Variants in PXYLP1 observed in about 807,000 individuals in gnomAD.
PXYLP1 encodes the protein acid phosphatase-like 2.
Under a neutral mutation model 37.9 loss-of-function variants are expected in PXYLP1, and 17 were observed. The ratio of observed to expected loss-of-function variants is 0.45; its 90% CI spans 0.31 to 0.67. The LOEUF is 0.67. Ranked by LOEUF, PXYLP1 falls within the 30% of genes least tolerant of loss-of-function variation. The probability of loss-of-function intolerance (pLI) is 0.07; values close to 1 mark genes in which losing one functional copy is unlikely to be tolerated. For missense variants in PXYLP1, 511 were observed against 612.0 expected, an observed-to-expected ratio of 0.84 and a Z score of 1.74; for synonymous variants, 221 against 232.2, an observed-to-expected ratio of 0.95 and a Z score of 0.44.
intron 1 of PXYLP1, among the ~76,000 whole-genome samples, chr3:141,242,606 C>A (rs1425135825): frequency 2.0e-5 from 3 of 152,166 alleles, no homozygotes; most frequent in African/African-American, 7.2e-5. Context: ...AGAGATGAAC[C>A]ATCATGCTAG....
At chr3:141,267,506 T>C (rs1273441840) in intron 2 of PXYLP1, 1 of 152,194 alleles carries the variant, frequency 6.6e-6, no homozygotes, top group Non-Finnish European at 1.5e-5. Context: ...TTGTTAATTT[T>C]GGTCCTTTTC....
chr3:141,254,756 A>G (rs867232987), intron 1 of PXYLP1, among the ~76,000 whole-genome samples: 9 of 152,244 alleles, frequency 5.9e-5, no homozygotes, highest in South Asian at 2.1e-4. Context: ...GGCCAAAATA[A>G]TTCTGACCAA....
At chr3:141,281,759 G>GGGTGGTGAGACCAACCCATGCAGTGTGA (rs1941961160) in intron 4 of PXYLP1, among the ~76,000 whole-genome samples, 1 of 152,118 alleles carries the variant, frequency 6.6e-6, no homozygotes, top group African/African-American at 2.4e-5. Context: ...ATGGCCCCTT[G>GGGTGGTGAGACCAACCCATGCAGTGTGA]GGTGGTGAGA....
In PXYLP1 at chr3:141,284,598, T is replaced by G. The variant is rs562658321; in HGVS notation, c.366-2716T>G. 2.0e-5 allele frequency among the ~76,000 whole-genome samples: 3 copies of G among 152,334 alleles called. No homozygotes were observed. In the South Asian group the frequency reaches 6.2e-4, roughly 32 times the overall value. ...CCAGAATCTGAGATGCTCAAGTCCC[T>G]TATGTAAAATGGTGTTGTATTTACA... On this transcript the variant is annotated intron_variant, in intron 4 of 5. Coordinates refer to ENST00000286353, the MANE Select transcript of PXYLP1 (RefSeq NM_001037172.3).
At chr3:141,268,767 C>T (rs1418391622) in intron 2 of PXYLP1, among the ~76,000 whole-genome samples, 2 of 152,182 alleles carry the variant, frequency 1.3e-5, no homozygotes, top group African/African-American at 2.4e-5. Context: ...CCTGCCAGTG[C>T]GGCTGTCACA....
chr3:141,292,368 A>G lies in PXYLP1; in HGVS notation c.606A>G (p.Leu202=). The change falls in exon 6 of 6, where the codon TTA becomes TTG. Residue 202 remains leucine (L), a synonymous_variant. Transcript: ENST00000286353. The surrounding 1 kb of genome is among the most constrained non-coding windows in gnomAD (Gnocchi z 4.3). ...PNDWSADQLY[L]ETTGKSRTLQ... ...ATTGGTCTGCAGACCAGCTCTATTT[A>G]GAGACCACTGGGAAAAGCCGGACCC... 1 of 1,614,208 alleles carries G rather than the reference A, an allele frequency of 6.2e-7. No individual in the cohort carries two copies. Among genetic ancestry groups the G allele is most frequent in the Non-Finnish European group, 8.5e-7 (1 of 1,180,038 alleles).
chr3:141,262,556 T>G, intron 2 of PXYLP1: 1 of 1,198,906 alleles, frequency 8.3e-7, no homozygotes, highest in Admixed American at 3.0e-5. Flanking sequence ...CTTATATAAC[T>G]CTTCTGAAAG....
chr3:141,273,685 G>A (rs1287766638), intron 2 of PXYLP1: 1 of 985,216 alleles, frequency 1.0e-6, no homozygotes, highest in Non-Finnish European at 1.2e-6. Context: ...ACACATGAGG[G>A]TTATAGATGT....
chr3:141,276,136 A>C (rs917642834), intron 2 of PXYLP1, among the ~76,000 whole-genome samples: 18 of 152,252 alleles, frequency 1.2e-4, no homozygotes, highest in Admixed American at 7.8e-4. Context: ...AAGCTCTACC[A>C]TCTAGGTTTG....
At chr3:141,254,293 T>A (rs1941210184) in intron 1 of PXYLP1, among the ~76,000 whole-genome samples, 1 of 152,206 alleles carries the variant, frequency 6.6e-6, no homozygotes, top group Non-Finnish European at 1.5e-5. Flanking sequence ...GCTGGGACCT[T>A]CCATATGACA....
At chr3:141,247,864 A>G (rs1413984982) in intron 1 of PXYLP1, among the ~76,000 whole-genome samples, 1 of 152,182 alleles carries the variant, frequency 6.6e-6, no homozygotes, top group Non-Finnish European at 1.5e-5. Flanking sequence ...AACAAGGATC[A>G]TGGCCACCCC....
At chr3:141,270,446 A>AGT (rs1164322040) in intron 2 of PXYLP1, among the ~76,000 whole-genome samples, 1 of 152,238 alleles carries the variant, frequency 6.6e-6, no homozygotes, top group Non-Finnish European at 1.5e-5. Flanking sequence ...TGACAGTTAC[A>AGT]GTGCACTTTT....
chr3:141,287,424 T>G lies in PXYLP1; in HGVS notation c.476T>G (p.Leu159Trp). ...NSLPLYPNHP[L>W]CEMGELTQTG... ...TTGCCTCTTTACCCAAATCACCCAT[T>G]GTGTGAGATGGGAGAGCTCACACAG... Residue 159 changes from leucine to tryptophan, a missense_variant, in exon 5 of 6, where the codon TTG (leucine) becomes TGG (tryptophan). Leu to Trp is a moderately conservative substitution (Grantham distance 61). Transcript: ENST00000286353. 1 of 1,614,104 alleles carries G rather than the reference T, an allele frequency of 6.2e-7. No homozygotes were observed. The highest frequency in any genetic ancestry group is 8.5e-7 in the Non-Finnish European group (1 of 1,180,022).
In PXYLP1 at chr3:141,292,956, G is replaced by A. The variant is rs1373385166; in HGVS notation, c.1194G>A (p.Arg398=). 26 of 1,614,084 alleles carry A rather than the reference G, an allele frequency of 1.6e-5. No individual in the cohort carries two copies. Among genetic ancestry groups the A allele is most frequent in the Non-Finnish European group, 2.2e-5 (26 of 1,180,048 alleles). ...ALGLSEARFP[R]FAARLIFELW... ...GCCTTTCAGAAGCCAGGTTCCCAAG[G>A]TTTGCAGCCAGGTTGATCTTTGAGC... The change falls in exon 6 of 6, where the codon AGG becomes AGA. Residue 398 remains arginine (R), a synonymous_variant. Transcript: ENST00000286353. This position sits in a 1 kb window ranked among gnomAD's most constrained non-coding sequence, Gnocchi z 4.3.
intron 1 of PXYLP1, among the ~76,000 whole-genome samples, chr3:141,254,045 G>A (rs1275462000): frequency 6.6e-6 from 1 of 151,976 alleles, no homozygotes; most frequent in Non-Finnish European, 1.5e-5. Flanking sequence ...TTGAATATCT[G>A]GGATTACAAG....
chr3:141,238,499 A>G (rs958378971), intron 1 of PXYLP1, among the ~76,000 whole-genome samples: 2 of 152,224 alleles, frequency 1.3e-5, no homozygotes, highest in African/African-American at 4.8e-5. Context: ...ATACACTGGA[A>G]TACTTCATAC....
At chr3:141,278,050 T>TA (rs1941839703) in intron 2 of PXYLP1, among the ~76,000 whole-genome samples, 1 of 152,174 alleles carries the variant, frequency 6.6e-6, no homozygotes, top group African/African-American at 2.4e-5. Flanking sequence ...CCTAAGAAGT[T>TA]AGTGTGTGAG....
Position 141,293,081 on chromosome 3 carries a change from A to G in PXYLP1, c.1319A>G (p.Lys440Arg). The change falls in exon 6 of 6, where the codon AAG becomes AGG. Residue 440 changes from lysine (K) to arginine (R), a missense_variant. By Grantham distance (26) the Lys-to-Arg change is conservative. Coordinates refer to ENST00000286353, the MANE Select transcript of PXYLP1 (RefSeq NM_001037172.3). Reference sequence around the variant, plus strand: ...ACCTCTTTCTGCCAAGACCACCACAAGCGTTCTCCCAAGCCCATGTGCCCG... The same window carrying G: ...ACCTCTTTCTGCCAAGACCACCACAGGCGTTCTCCCAAGCCCATGTGCCCG... Reference protein sequence around the residue: ...FHTSFCQDHHKRSPKPMCPLE... With the variant: ...FHTSFCQDHHRRSPKPMCPLE... The G allele has an allele frequency of 1.9e-6, 3 of 1,614,144 alleles. No individual in the cohort carries two copies. Among genetic ancestry groups the G allele is most frequent in the Non-Finnish European group, 2.5e-6 (3 of 1,180,032 alleles).
At position 141,293,089 on chromosome 3, in the gene PXYLP1, C is replaced by T. The variant is rs768270702; in HGVS notation, c.1327C>T (p.Pro443Ser). ...SFCQDHHKRS[P>S]KPMCPLENLV... ...CTGCCAAGACCACCACAAGCGTTCT[C>T]CCAAGCCCATGTGCCCGCTTGAAAA... The change falls in exon 6 of 6, where the codon CCC becomes TCC. Residue 443 changes from proline to serine, a missense_variant. Physicochemically the swap from Pro to Ser is moderately conservative, Grantham distance 74. Transcript: ENST00000286353. 1.2e-5 allele frequency: 20 copies of T among 1,614,092 alleles called. No individual in the cohort carries two copies. The Middle Eastern group carries it at 6.6e-4, about 53-fold the overall frequency.
Sources: allele counts gnomAD v4.1 joint callset (sites outside exome capture counted in the v4.1 genomes callset), GRCh38; gene constraint gnomAD v4.1.1; non-coding constraint Gnocchi (gnomAD v3.1); transcripts MANE v1.5; gene names NCBI Gene and HGNC (gene_info 2026-07-23, HGNC 2026-07-21).